PIAS2: variants seen among roughly 807,000 people sequenced by gnomAD.
PIAS2 encodes protein inhibitor of activated STAT 2.
PIAS2 carries 19 observed loss-of-function variants against 69.7 expected under a neutral mutation model. The observed-to-expected ratio is 0.27, with a 90% CI of 0.19 to 0.40. The LOEUF (loss-of-function observed/expected upper bound fraction) is 0.40, where lower values mean the gene tolerates loss of function less well. Ranked by LOEUF, PIAS2 falls within the 10% of genes least tolerant of loss-of-function variation. The pLI is 1.00. For missense variants in PIAS2, 624 were observed against 757.0 expected (o/e 0.82, Z 2.06); for synonymous variants, 261 against 263.2 (o/e 0.99, Z 0.08).
intron 10 of PIAS2, among the ~76,000 whole-genome samples, chr18:46,828,829 TATTTA>T (rs1169801623): frequency 2.0e-5 from 3 of 152,234 alleles, no homozygotes; most frequent in Non-Finnish European, 2.9e-5. Context: ...ATCTGTAATG[TATTTA>T]GTTAAAAATG....
chr18:46,808,623 A>C lies in PIAS2; in HGVS notation c.*3810T>G, dbSNP rs2040824325. ...ATCTAAATAACAACTTAAGGCTCCC[A>C]AATCACATGAACCTAGGACCACTAA... On this transcript the variant is annotated 3_prime_UTR_variant, in exon 14 of 14. Transcript: ENST00000585916. The C allele has an allele frequency of 6.6e-6, 1 of 152,186 alleles. No homozygotes were observed. Among genetic ancestry groups the C allele is most frequent in the Admixed American group, 6.5e-5 (1 of 15,274 alleles). The allele number at this position is 152,186 out of a possible 1,614,324, so 9.4% of individuals were successfully genotyped here.
intron 3 of PIAS2, among the ~76,000 whole-genome samples, chr18:46,858,875 G>GA (rs1311792991): frequency 1.3e-5 from 2 of 152,152 alleles, no homozygotes; most frequent in Admixed American, 6.5e-5. Flanking sequence ...CAACTGAAGA[G>GA]ATGGCCATGC....
chr18:46,867,069 C>T (rs995452143), intron 2 of PIAS2, among the ~76,000 whole-genome samples: 9 of 151,798 alleles, frequency 5.9e-5, no homozygotes, highest in Non-Finnish European at 1.2e-4. Flanking sequence ...TCAAATTGTA[C>T]TTACATGTTG....
At chr18:46,917,670 G>T, upstream of PIAS2, 2 of 596,076 alleles carry the variant, frequency 3.4e-6, no homozygotes, top group Non-Finnish European at 4.2e-6. Flanking sequence ...GCCCCGCTCG[G>T]CCCCAGGTCG....
At chr18:46,882,091 T>C (rs1401907009) in intron 2 of PIAS2, among the ~76,000 whole-genome samples, 1 of 151,958 alleles carries the variant, frequency 6.6e-6, no homozygotes, top group Non-Finnish European at 1.5e-5. Context: ...AACAAGACTT[T>C]GTCTCGGTGG....
rs1164744857 is a variant in PIAS2 at position 46,810,454 on chromosome 18, A to G, written c.*1979T>C. ...TATTGCATCTGTATTTAGAGCAGCA[A>G]CATAAAACTTTATTAGAAAGAAATA... On this transcript the variant is annotated 3_prime_UTR_variant, in exon 14 of 14. Transcript: ENST00000585916. 1.3e-5 allele frequency: 2 copies of G among 152,322 alleles called. No individual in the cohort carries two copies. Among genetic ancestry groups the G allele is most frequent in the Admixed American group, 6.5e-5 (1 of 15,296 alleles). 9.4% of individuals were successfully genotyped at this position (152,322 alleles called of 1,614,324 possible). A position where few individuals can be genotyped will look rare whatever the true frequency, so the allele number is the denominator to read the frequency against.
At chr18:46,897,202 T>C (rs1308002495) in intron 1 of PIAS2, among the ~76,000 whole-genome samples, 1 of 152,210 alleles carries the variant, frequency 6.6e-6, no homozygotes, top group African/African-American at 2.4e-5. Flanking sequence ...GTTAGTCTGT[T>C]TGAAGGTGAG....
intron 2 of PIAS2, among the ~76,000 whole-genome samples, chr18:46,869,904 C>T (rs1053688063): frequency 2.6e-5 from 4 of 152,148 alleles, no homozygotes; most frequent in East Asian, 1.9e-4. Context: ...TTCTTTACCC[C>T]CTAAAAGCTA....
intron 8 of PIAS2, among the ~76,000 whole-genome samples, chr18:46,839,140 T>A (rs1424654170): frequency 6.6e-6 from 1 of 152,120 alleles, no homozygotes; most frequent in East Asian, 1.9e-4. Flanking sequence ...TGTAAGTGAG[T>A]TGGCTTTTTT....
At chr18:46,873,771 G>C (rs1225278006) in intron 2 of PIAS2, among the ~76,000 whole-genome samples, 1 of 152,114 alleles carries the variant, frequency 6.6e-6, no homozygotes, top group African/African-American at 2.4e-5. Flanking sequence ...CATGTCCCAG[G>C]ACACCAGAAA....
At chr18:46,916,056 C>A (rs1329586825) in intron 1 of PIAS2, among the ~76,000 whole-genome samples, 1 of 152,142 alleles carries the variant, frequency 6.6e-6, no homozygotes, top group East Asian at 1.9e-4. Flanking sequence ...TTATGGTTCT[C>A]TGCATAAACT....
At chr18:46,892,772 A>AAATAAT (rs905342550) in intron 1 of PIAS2, among the ~76,000 whole-genome samples, 11 of 151,896 alleles carry the variant, frequency 7.2e-5, no homozygotes, top group Admixed American at 6.6e-4. Context: ...ACTGTCTCAA[A>AAATAAT]AATAATAATA....
chr18:46,829,061 T>G (rs1394659051), intron 10 of PIAS2, among the ~76,000 whole-genome samples: 2 of 152,182 alleles, frequency 1.3e-5, no homozygotes, highest in African/African-American at 4.8e-5. Flanking sequence ...AGAACAAAAC[T>G]GAAATGCAGT....
At chr18:46,863,426 G>A (rs1255449536) in intron 3 of PIAS2, among the ~76,000 whole-genome samples, 4 of 152,050 alleles carry the variant, frequency 2.6e-5, no homozygotes, top group African/African-American at 9.7e-5. Flanking sequence ...CCAGGCTCAA[G>A]TGATTCTCCC....
intron 1 of PIAS2, chr18:46,901,397 A>T (rs2055842201): frequency 6.1e-6 from 1 of 163,918 alleles, no homozygotes; most frequent in East Asian, 1.9e-4. Context: ...CAACAAGAGC[A>T]AAACTGTCTC....
At chr18:46,882,523 G>A (rs1283048863) in intron 2 of PIAS2, among the ~76,000 whole-genome samples, 5 of 152,128 alleles carry the variant, frequency 3.3e-5, no homozygotes, top group Admixed American at 6.6e-5. Context: ...CTTCACATCC[G>A]GGCATTTATC....
intron 9 of PIAS2, among the ~76,000 whole-genome samples, chr18:46,834,047 C>G (rs1469232337): frequency 1.3e-5 from 2 of 151,558 alleles, no homozygotes; most frequent in African/African-American, 4.9e-5. Context: ...ATCTCCCATA[C>G]TAGAAGTGCC....
In PIAS2 at chr18:46,882,180, T is replaced by C. The variant is rs189517067; in HGVS notation, c.499+8400A>G. Among the ~76,000 whole-genome samples the C allele has an allele frequency of 2.2e-3, 337 of 152,220 alleles. 2 individuals are homozygous for C. Among genetic ancestry groups the C allele is most frequent in the Non-Finnish European group, 4.7e-4 (32 of 68,020 alleles). ...ATTAACTGAGTTAATAAAAATAATA[T>C]ATACAGTAAATTAGAATATTATATT... On this transcript the variant is annotated intron_variant, in intron 2 of 13. Coordinates refer to ENST00000585916, the MANE Select transcript of PIAS2 (RefSeq NM_004671.5).
At position 46,890,696 on chromosome 18, in the gene PIAS2, G is replaced by T; in HGVS notation, c.383C>A (p.Pro128His). Residue 128 changes from proline to histidine, a missense_variant, in exon 2 of 14, where the codon CCC becomes CAC. By Grantham distance (77) the Pro-to-His change is moderately conservative (BLOSUM62 -2). This residue lies in a region of PIAS2 where 339 missense variants were observed against 408.8 expected (regional missense o/e 0.83). Coordinates refer to ENST00000585916, the MANE Select transcript of PIAS2 (RefSeq NM_004671.5). Reference sequence around the variant, plus strand: ...AGATGGCTGCTGCATCTCAAATGTGGGCTTAGTATCTTGAAGCAGCACAGA... The same window carrying T: ...AGATGGCTGCTGCATCTCAAATGTGTGCTTAGTATCTTGAAGCAGCACAGA... ...VGSVLLQDTK[P>H]TFEMQQPSPP... The T allele has an allele frequency of 6.2e-7, 1 of 1,614,054 alleles. No individual in the cohort carries two copies. Among genetic ancestry groups the T allele is most frequent in the Non-Finnish European group, 8.5e-7 (1 of 1,179,966 alleles).
Sources: allele counts gnomAD v4.1 joint callset (sites outside exome capture counted in the v4.1 genomes callset), GRCh38; gene constraint gnomAD v4.1.1; regional missense constraint gnomAD v4.1.1; transcripts MANE v1.5; gene names NCBI Gene and HGNC (gene_info 2026-07-23, HGNC 2026-07-21).